The following DST variants were observed in gnomAD, a reference collection of about 807,000 sequenced individuals.
DST encodes dystonin.
A neutral mutation model predicts 875.2 loss-of-function variants in DST; 253 were observed. That is an observed-to-expected ratio of 0.29 (90% CI 0.26 to 0.32). DST has a LOEUF of 0.32. DST is among the 10% of genes least tolerant of loss of function. DST has a pLI of 1.00. For synonymous variants in DST, 3,124 were observed against 3,197.1 expected (o/e 0.98, Z 0.77); for missense variants, 8,287 against 9,111.6 (o/e 0.91, Z 3.68).
intron 53 of DST, among the ~76,000 whole-genome samples, chr6:56,571,021 T>A (rs1415223523): frequency 6.6e-6 from 1 of 152,136 alleles, no homozygotes; most frequent in African/African-American, 2.4e-5. Context: ...TCTCCCAAAA[T>A]GAGTTGAAAC....
intron 10 of DST, among the ~76,000 whole-genome samples, chr6:56,668,025 C>G (rs2152823324): frequency 6.6e-6 from 1 of 152,216 alleles, no homozygotes; most frequent in South Asian, 2.1e-4. Context: ...CTCATCCTCC[C>G]TGCCAAAAGT....
chr6:56,594,026 C>T lies in DST; in HGVS notation c.12363G>A (p.Glu4121=), dbSNP rs766393212. The change falls in exon 48 of 104, where the codon GAG becomes GAA. Residue 4121 remains glutamate, a synonymous_variant. Coordinates refer to ENST00000680361, the MANE Select transcript of DST (RefSeq NM_001374736.1). ...LKVHYETALA[E]SEKKMKLTHS... is the part of the protein sequence containing the mutation. ...GAGTTAACTTCATTTTCTTCTCTGA[C>T]TCAGCCAGTGCAGTTTCATAATGCA... 3.7e-6 allele frequency: 6 copies of T among 1,613,824 alleles called. No individual in the cohort carries two copies. Among genetic ancestry groups the T allele is most frequent in the Non-Finnish European group, 5.1e-6 (6 of 1,179,864 alleles).
chr6:56,872,996 C>A (rs1460974885), intron 3 of DST, among the ~76,000 whole-genome samples: 2 of 152,096 alleles, frequency 1.3e-5, no homozygotes, highest in African/African-American at 4.8e-5. Flanking sequence ...TCCCTGAATA[C>A]CTGCTAGCAT....
intron 4 of DST, among the ~76,000 whole-genome samples, chr6:56,836,961 T>C (rs1048164757): frequency 3.9e-5 from 6 of 152,014 alleles, no homozygotes; most frequent in Admixed American, 2.6e-4. Context: ...TTTTTCACCA[T>C]ATATATTTAC....
At chr6:56,858,130 T>C (rs1363276737) in intron 3 of DST, among the ~76,000 whole-genome samples, 1 of 152,144 alleles carries the variant, frequency 6.6e-6, no homozygotes, top group African/African-American at 2.4e-5. Flanking sequence ...TCTCACTCTC[T>C]TCTGTTAGGG....
At chr6:56,460,283 A>G in intron 102 of DST, 29 bp from the exon 103 acceptor site, 1 of 1,613,430 alleles carries the variant, frequency 6.2e-7, no homozygotes, top group Non-Finnish European at 8.5e-7. Flanking sequence ...AAGACATTTC[A>G]AAATATTGCT....
At chr6:56,878,812 A>G (rs1780687568) in intron 3 of DST, among the ~76,000 whole-genome samples, 1 of 152,162 alleles carries the variant, frequency 6.6e-6, no homozygotes, top group African/African-American at 2.4e-5. Flanking sequence ...TGCAGCCTGA[A>G]TCTCTGTCAA....
At chr6:56,887,657 G>C (rs1422622596) in intron 3 of DST, among the ~76,000 whole-genome samples, 1 of 152,008 alleles carries the variant, frequency 6.6e-6, no homozygotes, top group Non-Finnish European at 1.5e-5. Flanking sequence ...TTTTATTTAA[G>C]ACAACAGGTT....
intron 10 of DST, among the ~76,000 whole-genome samples, chr6:56,661,772 G>C (rs1370930995): frequency 6.6e-6 from 1 of 152,044 alleles, no homozygotes; most frequent in East Asian, 1.9e-4. Flanking sequence ...ATTTTTAGTA[G>C]AGCCGCCGTT....
intron 4 of DST, among the ~76,000 whole-genome samples, chr6:56,844,295 C>G (rs1447485613): frequency 1.3e-5 from 2 of 152,142 alleles, no homozygotes; most frequent in African/African-American, 4.8e-5. Flanking sequence ...GCGAGGCTGC[C>G]GAGTACCAGC....
chr6:56,926,662 C>A (rs1196105790), intron 2 of DST, among the ~76,000 whole-genome samples: 1 of 152,184 alleles, frequency 6.6e-6, no homozygotes, highest in Non-Finnish European at 1.5e-5. Context: ...GTTATTCCAC[C>A]TTTTCCTTTA....
intron 3 of DST, among the ~76,000 whole-genome samples, chr6:56,882,473 G>A (rs990568269): frequency 6.6e-6 from 1 of 152,208 alleles, no homozygotes; most frequent in African/African-American, 2.4e-5. Context: ...CCTAACTAAT[G>A]ATAGTTTCAA....
At chr6:56,735,915 T>A (rs766374409) in intron 4 of DST, among the ~76,000 whole-genome samples, 1 of 152,188 alleles carries the variant, frequency 6.6e-6, no homozygotes, top group African/African-American at 2.4e-5. Flanking sequence ...TGCAGTGGCA[T>A]GATCTCCACT....
At chr6:56,896,890 C>T (rs181116069) in intron 3 of DST, among the ~76,000 whole-genome samples, 1 of 152,308 alleles carries the variant, frequency 6.6e-6, no homozygotes, top group East Asian at 1.9e-4. Flanking sequence ...ATAGATTGTG[C>T]AGATTCTCTC....
At chr6:56,942,807 C>G (rs577785588) in intron 2 of DST, among the ~76,000 whole-genome samples, 1 of 148,016 alleles carries the variant, frequency 6.8e-6, no homozygotes, top group South Asian at 2.1e-4. Flanking sequence ...CTTCGAACTC[C>G]TGGGCTTAAA....
At chr6:56,947,784 T>C (rs1820370521) in intron 2 of DST, among the ~76,000 whole-genome samples, 3 of 152,242 alleles carry the variant, frequency 2.0e-5, no homozygotes, top group Admixed American at 2.0e-4. Context: ...CTAAATCTTG[T>C]CTATCCTCAT....
Position 56,634,157 on chromosome 6 carries a change from C to T in DST, c.3596G>A (p.Arg1199Lys). The change falls in exon 27 of 104, where the codon AGA becomes AAA. Residue 1199 changes from arginine to lysine, a missense_variant. Coordinates refer to ENST00000680361, the MANE Select transcript of DST (RefSeq NM_001374736.1). ...TGAAGCCACATTGCTAGCTCGAATTCTATCAATTTCATTGATGAGATAATG... is the reference window on the plus strand; with the variant it reads ...TGAAGCCACATTGCTAGCTCGAATTTTATCAATTTCATTGATGAGATAATG... ...SWHYLINEID[R>K]IRASNVASIK... 6.2e-7 allele frequency: 1 copy of T among 1,613,372 alleles called. No individual in the cohort carries two copies. The highest frequency in any genetic ancestry group is 8.5e-7 in the Non-Finnish European group (1 of 1,179,982).
At chr6:56,679,352 T>C (rs1027724171) in intron 9 of DST, among the ~76,000 whole-genome samples, 1 of 152,102 alleles carries the variant, frequency 6.6e-6, no homozygotes, top group African/African-American at 2.4e-5. Context: ...CCATGTGGAC[T>C]CCTGCCACCA....
At chr6:56,538,375 T>C (rs1417135464) in intron 61 of DST, among the ~76,000 whole-genome samples, 1 of 124,060 alleles carries the variant, frequency 8.1e-6, no homozygotes, top group Non-Finnish European at 1.8e-5. Context: ...TACATCGATA[T>C]TAAGGTAAAA....
Sources: gnomAD v4.1 joint callset for allele counts (sites outside exome capture counted in the v4.1 genomes callset) on GRCh38, gnomAD v4.1.1 for gene constraint, MANE v1.5 for transcripts, NCBI Gene and HGNC (gene_info 2026-07-23, HGNC 2026-07-21) for gene names.